Variants in KIAA1328 observed in about 807,000 individuals in gnomAD.
KIAA1328 encodes protein hinderin.
Under a neutral mutation model 68.1 loss-of-function variants are expected in KIAA1328, and 52 were observed. The observed-to-expected ratio is 0.76, with a 90% CI of 0.61 to 0.96. The LOEUF is 0.96. Ranked by LOEUF, KIAA1328 falls within the 40% of genes least tolerant of loss-of-function variation. KIAA1328 has a pLI of 0.00. For missense variants in KIAA1328, 641 were observed against 677.6 expected (o/e 0.95, Z 0.60); for synonymous variants, 232 against 239.4 (o/e 0.97, Z 0.28).
intron 7 of KIAA1328, among the ~76,000 whole-genome samples, chr18:37,147,682 A>G (rs957581326): frequency 2.6e-5 from 4 of 152,122 alleles, no homozygotes; most frequent in Admixed American, 2.6e-4. Context: ...GTTTATGATA[A>G]GCCTTCTTCT....
At chr18:36,920,229 T>C (rs1231119630) in intron 5 of KIAA1328, among the ~76,000 whole-genome samples, 1 of 152,160 alleles carries the variant, frequency 6.6e-6, no homozygotes, top group Admixed American at 6.6e-5. Flanking sequence ...TTTTTGTATA[T>C]GGTAGAAGGC....
intron 4 of KIAA1328, among the ~76,000 whole-genome samples, chr18:36,869,813 A>C (rs533915130): frequency 6.6e-6 from 1 of 152,182 alleles, no homozygotes; most frequent in East Asian, 1.9e-4. Context: ...GCTTGAATTT[A>C]GGACATTTGA....
At chr18:37,147,611 ACT>A (rs554177091) in intron 7 of KIAA1328, among the ~76,000 whole-genome samples, 44 of 151,858 alleles carry the variant, frequency 2.9e-4, no homozygotes, top group African/African-American at 9.7e-4. Context: ...GGTAGGACTC[ACT>A]CTCCAAACTC....
chr18:36,864,136 T>G (rs1409325555), intron 4 of KIAA1328, among the ~76,000 whole-genome samples: 2 of 152,222 alleles, frequency 1.3e-5, no homozygotes, highest in African/African-American at 4.8e-5. Flanking sequence ...CCTAGTTTTA[T>G]AAGATTTTTA....
intron 3 of KIAA1328, among the ~76,000 whole-genome samples, chr18:36,841,064 G>A (rs78928509): frequency 0.012 from 1,837 of 152,090 alleles, 25 homozygotes; most frequent in Non-Finnish European, 0.015. Context: ...TTTTGCTAGT[G>A]AGGAACCCCA....
At chr18:36,958,253 G>A (rs903523769) in intron 5 of KIAA1328, among the ~76,000 whole-genome samples, 2 of 152,102 alleles carry the variant, frequency 1.3e-5, no homozygotes, top group Admixed American at 6.5e-5. Context: ...ATGCCATGTT[G>A]AATATGTATA....
chr18:37,137,638 A>G (rs1419648714), intron 7 of KIAA1328, among the ~76,000 whole-genome samples: 7 of 152,054 alleles, frequency 4.6e-5, no homozygotes, highest in African/African-American at 1.7e-4. Flanking sequence ...TTTTCTTGAC[A>G]CTATTCTTTC....
chr18:36,860,023 A>T (rs1215179660), intron 4 of KIAA1328, among the ~76,000 whole-genome samples: 1 of 151,158 alleles, frequency 6.6e-6, no homozygotes, highest in African/African-American at 2.4e-5. Context: ...CCATTTAAAA[A>T]TTTTCTTTAA....
intron 5 of KIAA1328, among the ~76,000 whole-genome samples, chr18:36,906,837 G>T (rs1248028448): frequency 6.6e-6 from 1 of 152,062 alleles, no homozygotes; most frequent in East Asian, 1.9e-4. Flanking sequence ...GAAGTGTGTG[G>T]TAACACTGTG....
At chr18:36,974,930 A>G (rs1005476039) in intron 6 of KIAA1328, among the ~76,000 whole-genome samples, 38 of 152,292 alleles carry the variant, frequency 2.5e-4, no homozygotes, top group African/African-American at 8.2e-4. Context: ...GTATGAGTGA[A>G]TTTTTGCTCT....
chr18:36,832,704 G>C (rs1308550927), intron 1 of KIAA1328: 1 of 151,484 alleles, frequency 6.6e-6, no homozygotes, highest in Non-Finnish European at 1.5e-5. Context: ...TTCTTTCATA[G>C]ATGGAGCCAG....
In KIAA1328 at chr18:37,224,809, C is replaced by T. The variant is rs2060618953; in HGVS notation, c.*2582C>T. 4.1e-6 allele frequency: 4 copies of T among 985,450 alleles called. No individual in the cohort carries two copies. The South Asian group carries it at 1.9e-4, about 46-fold the overall frequency. The allele number at this position is 985,450 out of a possible 1,614,324, so 61.0% of individuals were successfully genotyped here. On this transcript the variant is annotated 3_prime_UTR_variant, in exon 10 of 10. Coordinates refer to ENST00000280020, the MANE Select transcript of KIAA1328 (RefSeq NM_020776.3). Reference sequence around the variant, plus strand: ...ATGCCGAGGGCGTTGCGGATAGTGCCTCACCATTGCCCACCCTGCTGCCCA... The same window carrying T: ...ATGCCGAGGGCGTTGCGGATAGTGCTTCACCATTGCCCACCCTGCTGCCCA...
intron 6 of KIAA1328, among the ~76,000 whole-genome samples, chr18:36,991,233 T>C (rs2053164692): frequency 6.6e-6 from 1 of 152,224 alleles, no homozygotes. Flanking sequence ...TTAACCTATT[T>C]TGCATTTTCT....
At chr18:36,957,257 C>T (rs1473360240) in intron 5 of KIAA1328, among the ~76,000 whole-genome samples, 1 of 152,140 alleles carries the variant, frequency 6.6e-6, no homozygotes, top group Non-Finnish European at 1.5e-5. Flanking sequence ...GACCCTTAAT[C>T]GTGATGACCT....
chr18:37,044,570 G>C (rs948716932), intron 6 of KIAA1328, among the ~76,000 whole-genome samples: 15 of 152,132 alleles, frequency 9.9e-5, no homozygotes, highest in African/African-American at 3.6e-4. Flanking sequence ...GGCCAAGGCA[G>C]GTGGATCAAC....
intron 9 of KIAA1328, among the ~76,000 whole-genome samples, chr18:37,180,654 A>G (rs2059682335): frequency 6.6e-6 from 1 of 151,292 alleles, no homozygotes; most frequent in Admixed American, 6.6e-5. Flanking sequence ...TTTTAATGAG[A>G]CTATCTTCTC....
rs147264040 is a variant in KIAA1328 at position 36,984,153 on chromosome 18, C to T, written c.576+24718C>T. Among the ~76,000 whole-genome samples, 1,364 of 152,216 alleles carry T rather than the reference C, an allele frequency of 9.0e-3. 16 individuals are homozygous for T. Among genetic ancestry groups the T allele is most frequent in the Non-Finnish European group, 0.014 (964 of 67,994 alleles). On this transcript the variant is annotated intron_variant, in intron 6 of 9. Coordinates refer to ENST00000280020, the MANE Select transcript of KIAA1328 (RefSeq NM_020776.3). ...TTTTACAACTGTTAATAACATCATA[C>T]TCAATGATGAAAGACTGAATGGTTT... is the stretch of plus-strand genomic sequence containing the variant.
chr18:37,092,850 C>T (rs1421203119), intron 7 of KIAA1328, among the ~76,000 whole-genome samples: 1 of 152,198 alleles, frequency 6.6e-6, no homozygotes. Flanking sequence ...ACTGTTGCCA[C>T]TGTCAGCACT....
At chr18:36,946,096 A>G (rs574246073) in intron 5 of KIAA1328, among the ~76,000 whole-genome samples, 2 of 152,218 alleles carry the variant, frequency 1.3e-5, no homozygotes, top group Non-Finnish European at 2.9e-5. Flanking sequence ...ATTTCAGATT[A>G]GGGATATTCA....
Sources: gnomAD v4.1 joint callset for allele counts (sites outside exome capture counted in the v4.1 genomes callset) on GRCh38, gnomAD v4.1.1 for gene constraint, MANE v1.5 for transcripts, NCBI Gene and HGNC (gene_info 2026-07-23, HGNC 2026-07-21) for gene names.